The following CHUK variants were observed in gnomAD, a reference collection of about 807,000 sequenced individuals.
The protein encoded by CHUK is inhibitor of nuclear factor kappa-B kinase subunit alpha.
In CHUK, 35 loss-of-function variants were observed where a neutral mutation model predicts 104.8. The observed-to-expected ratio is 0.33, with a 90% CI of 0.26 to 0.44. The LOEUF is 0.44. Ranked by LOEUF, CHUK falls within the 20% of genes least tolerant of loss-of-function variation. CHUK has a pLI of 1.00. For synonymous variants in CHUK, 276 were observed against 291.9 expected, an observed-to-expected ratio of 0.95 and a Z score of 0.56; for missense variants, 663 against 902.7, an observed-to-expected ratio of 0.73 and a Z score of 3.40.
Position 100,207,276 on chromosome 10 carries a change from T to G in CHUK, c.1185A>C (p.Glu395Asp). The change falls in exon 11 of 21, where the codon GAA becomes GAC. Residue 395 changes from glutamate (E) to aspartate (D), a missense_variant. Around this residue, in one of 5 missense-constraint regions of CHUK, gnomAD observed 15 missense variants for 41.3 expected, o/e 0.36. Transcript: ENST00000370397. ...ATAAACTTCTGGAAGCAAATGGCCC[T>G]TCATATACAGTTTTACTTTTATCAA... ...YLFDKSKTVY[E>D]GPFASRSLSD... 1 of 1,580,720 alleles carries G rather than the reference T, an allele frequency of 6.3e-7. No homozygotes were observed. Among genetic ancestry groups the G allele is most frequent in the Non-Finnish European group, 8.7e-7 (1 of 1,150,550 alleles).
intron 9 of CHUK, among the ~76,000 whole-genome samples, chr10:100,215,503 T>C (rs1360127588): frequency 2.6e-5 from 4 of 151,666 alleles, no homozygotes; most frequent in Admixed American, 1.3e-4. Context: ...TATAGTTACA[T>C]TTAGGGGCGT....
chr10:100,211,536 A>G (rs1043353210), intron 9 of CHUK, among the ~76,000 whole-genome samples: 5 of 152,104 alleles, frequency 3.3e-5, no homozygotes, highest in Admixed American at 6.5e-5. Flanking sequence ...GTCTGCTTCT[A>G]TTAAATTTAA....
rs947024768 is a variant in CHUK at position 100,229,525 on chromosome 10, C to T, written c.8G>A (p.Arg3Gln). The T allele has an allele frequency of 1.0e-5, 16 of 1,544,504 alleles. No individual in the cohort carries two copies. The African/African-American group carries it at 1.2e-4, about 12-fold the overall frequency. The change falls in exon 1 of 21, where the codon CGG becomes CAG. Residue 3 changes from arginine to glutamine, a missense_variant. By Grantham distance (43) the Arg-to-Gln change is conservative. This residue lies in a region of CHUK where 44 missense variants were observed against 39.2 expected (regional missense o/e 1.12). Transcript: ENST00000370397. ME[R>Q]PPGLRPGAGG... is the part of the protein sequence containing the mutation. ...CGCGCCCGGCCGCAGCCCCGGGGGC[C>T]GCTCCATGGGGCGGGAGGGCAAGCG...
At chr10:100,220,494 T>C (rs188034713) in intron 5 of CHUK, 94 bp downstream of exon 5, 21 of 864,474 alleles carry the variant, frequency 2.4e-5, no homozygotes, top group Non-Finnish European at 4.0e-5. Flanking sequence ...AAGACTGTTA[T>C]GGGCATACAG....
chr10:100,206,325 T>G (rs1204088159), intron 11 of CHUK, among the ~76,000 whole-genome samples: 1 of 152,122 alleles, frequency 6.6e-6, no homozygotes, highest in Non-Finnish European at 1.5e-5. Flanking sequence ...TTGCCCAGGC[T>G]GAAGTGCAGT....
intron 9 of CHUK, among the ~76,000 whole-genome samples, chr10:100,210,091 A>ATTTATTTTTTTTT (rs58570772): frequency 1.6e-5 from 2 of 121,800 alleles, no homozygotes; most frequent in African/African-American, 6.0e-5. Flanking sequence ...TTATTTATTT[A>ATTTATTTTTTTTT]TTTTTTTTTT....
In CHUK at chr10:100,188,533, T is replaced by C. The variant is rs1845123488; in HGVS notation, c.*1065A>G. On this transcript the variant is annotated 3_prime_UTR_variant, in exon 21 of 21. Coordinates refer to ENST00000370397, the MANE Select transcript of CHUK (RefSeq NM_001278.5). ...AAGTTGTTTCAGAATTATGAAATTT[T>C]AGATTTTAGAAAAGTAGTTTTGTGC... is the stretch of plus-strand genomic sequence containing the variant. 6.6e-6 allele frequency: 1 copy of C among 152,660 alleles called. No homozygotes were observed. Among genetic ancestry groups the C allele is most frequent in the South Asian group, 2.1e-4 (1 of 4,834 alleles). 9.5% of individuals were successfully genotyped at this position (152,660 alleles called of 1,614,324 possible).
At chr10:100,195,909 G>A (rs939764692) in intron 16 of CHUK, 2 of 152,120 alleles carry the variant, frequency 1.3e-5, no homozygotes, top group African/African-American at 4.8e-5. Context: ...GTGTATCTGT[G>A]GTATCTGATT....
rs1823624 is a variant in CHUK, at chr10:100,210,095, T to A, written c.934-306A>T. ...TATTTATTTATTTATTTATTTATTT[T>A]TTTTTTTTTTGAGACGGAGTCTCGC... On this transcript the variant is annotated intron_variant, in intron 9 of 20. Coordinates refer to ENST00000370397, the MANE Select transcript of CHUK (RefSeq NM_001278.5). Among the ~76,000 whole-genome samples, 29,652 of 107,518 alleles carry A rather than the reference T, an allele frequency of 0.28. 3,379 individuals carry two copies. The highest frequency in any genetic ancestry group is 0.38 in the Middle Eastern group (96 of 254). The allele number at this position is 107,518 out of a possible 152,430, so 70.5% of individuals were successfully genotyped here.
intron 9 of CHUK, among the ~76,000 whole-genome samples, chr10:100,212,813 T>A (rs1845759162): frequency 6.6e-6 from 1 of 151,926 alleles, no homozygotes; most frequent in Admixed American, 6.6e-5. Flanking sequence ...AAGACCAGCC[T>A]GGCCAACATG....
chr10:100,226,482 G>A (rs552484989), intron 1 of CHUK, among the ~76,000 whole-genome samples: 2 of 152,232 alleles, frequency 1.3e-5, no homozygotes, highest in Admixed American at 1.3e-4. Flanking sequence ...CAATCCTAAT[G>A]TATGCATTTC....
chr10:100,199,336 T>C (rs1425556140), intron 16 of CHUK, among the ~76,000 whole-genome samples: 1 of 152,132 alleles, frequency 6.6e-6, no homozygotes, highest in Non-Finnish European at 1.5e-5. Flanking sequence ...TATTTTTTTG[T>C]TTTGTTTTGA....
intron 16 of CHUK, among the ~76,000 whole-genome samples, chr10:100,197,521 AAAAT>A (rs757564190): frequency 4.6e-5 from 7 of 152,224 alleles, no homozygotes; most frequent in Non-Finnish European, 2.9e-5. Flanking sequence ...CAGAAATTTA[AAAAT>A]ACTCGTGTCT....
intron 9 of CHUK, among the ~76,000 whole-genome samples, chr10:100,212,457 T>G (rs1845751921): frequency 6.6e-6 from 1 of 152,232 alleles, no homozygotes; most frequent in South Asian, 2.1e-4. Context: ...AGTGTCTAAT[T>G]CAGGTCCTTT....
At chr10:100,194,573 C>T in intron 16 of CHUK, 52 bp from the exon 17 acceptor site, 1 of 1,207,114 alleles carries the variant, frequency 8.3e-7, no homozygotes, top group South Asian at 1.3e-5. Context: ...AACATATCAG[C>T]CTCCAAACAA....
chr10:100,211,250 C>T (rs1204874065), intron 9 of CHUK, among the ~76,000 whole-genome samples: 1 of 152,050 alleles, frequency 6.6e-6, no homozygotes, highest in Non-Finnish European at 1.5e-5. Context: ...ACCCCCTCTC[C>T]TGATTTATTG....
chr10:100,193,063 T>A, intron 19 of CHUK: 1 of 548,526 alleles, frequency 1.8e-6, no homozygotes, highest in South Asian at 2.0e-5. Flanking sequence ...TCCCAAGCAC[T>A]TTATATACAT....
intron 4 of CHUK, 89 bp downstream of exon 4, chr10:100,222,023 G>T: frequency 1.4e-6 from 1 of 718,486 alleles, no homozygotes; most frequent in Non-Finnish European, 2.5e-6. Flanking sequence ...TTTGTATAGT[G>T]TATCAACAAT....
chr10:100,225,069 C>T (rs1414633112), intron 2 of CHUK, among the ~76,000 whole-genome samples: 5 of 151,924 alleles, frequency 3.3e-5, no homozygotes, highest in African/African-American at 4.8e-5. Flanking sequence ...AGGCTGGTCT[C>T]GAACTCCTGA....
Sources: gnomAD v4.1 joint callset for allele counts (sites outside exome capture counted in the v4.1 genomes callset) on GRCh38, gnomAD v4.1.1 for gene constraint, gnomAD v4.1.1 regional missense constraint, MANE v1.5 for transcripts, NCBI Gene and HGNC (gene_info 2026-07-23, HGNC 2026-07-21) for gene names.